The following RXRG variants were observed in gnomAD, a reference collection of about 807,000 sequenced individuals.
The protein encoded by RXRG is retinoic acid receptor RXR-gamma.
A neutral mutation model predicts 49.2 loss-of-function variants in RXRG; 19 were observed. The ratio of observed to expected loss-of-function variants is 0.39; its 90% CI spans 0.27 to 0.57. The LOEUF (loss-of-function observed/expected upper bound fraction) is 0.57, where lower values mean the gene tolerates loss of function less well. Ranked by LOEUF, RXRG falls within the 20% of genes least tolerant of loss-of-function variation. RXRG has a pLI of 0.64. For synonymous variants in RXRG, 224 were observed against 216.6 expected, an observed-to-expected ratio of 1.03 and a Z score of -0.30; for missense variants, 452 against 592.5, an observed-to-expected ratio of 0.76 and a Z score of 2.46.
At chr1:165,419,748 G>T (rs1478720007) in intron 3 of RXRG, 122 bp downstream of exon 3, 1 of 734,568 alleles carries the variant, frequency 1.4e-6, no homozygotes, top group Non-Finnish European at 2.1e-6. Flanking sequence ...CGTATAGGTG[G>T]GTCCCCAGTT....
intron 1 of RXRG, among the ~76,000 whole-genome samples, chr1:165,435,939 C>A (rs1483295655): frequency 6.6e-6 from 1 of 152,170 alleles, no homozygotes; most frequent in Non-Finnish European, 1.5e-5. Context: ...CAGCCACAAT[C>A]AATGGGTAAG....
At chr1:165,434,300 G>A (rs1658766149) in intron 1 of RXRG, among the ~76,000 whole-genome samples, 1 of 151,976 alleles carries the variant, frequency 6.6e-6, no homozygotes, top group African/African-American at 2.4e-5. Flanking sequence ...GTGTGTGTGT[G>A]TGTGTGTGTC....
At chr1:165,418,098 G>A (rs985956234) in intron 3 of RXRG, among the ~76,000 whole-genome samples, 6 of 120,992 alleles carry the variant, frequency 5.0e-5, no homozygotes, top group East Asian at 2.6e-4. Context: ...GTGACAGAGC[G>A]AGATCCCGTC....
At chr1:165,406,663 A>C in intron 9 of RXRG, 149 bp downstream of exon 9, 1 of 639,686 alleles carries the variant, frequency 1.6e-6, no homozygotes, top group Non-Finnish European at 2.8e-6. Flanking sequence ...AGCCCAATGG[A>C]ATTAACATTT....
intron 9 of RXRG, among the ~76,000 whole-genome samples, chr1:165,402,904 C>T (rs969779906): frequency 1.3e-5 from 2 of 152,064 alleles, no homozygotes; most frequent in African/African-American, 4.8e-5. Flanking sequence ...TCACATATCT[C>T]ATGCCTGTGG....
Position 165,408,279 on chromosome 1 carries a change from C to G in RXRG, c.1086G>C (p.Gln362His). Residue 362 changes from glutamine to histidine, a missense_variant, in exon 8 of 10, where the codon CAG becomes CAC. By Grantham distance (24) the Gln-to-His change is conservative. Transcript: ENST00000359842. The stretch of plus-strand genomic sequence containing the variant: ...GGCATCCCAGTTCCGACTTGTCCAT[C>G]TGCATGTCTTTCATTTTGGAAACCA... ...TELVSKMKDM[Q>H]MDKSELGCLR... 6.2e-7 allele frequency: 1 copy of G among 1,614,094 alleles called. No individual in the cohort carries two copies. The highest frequency in any genetic ancestry group is 8.5e-7 in the Non-Finnish European group (1 of 1,179,952).
At chr1:165,403,820 A>C (rs1657660500) in intron 9 of RXRG, among the ~76,000 whole-genome samples, 1 of 152,256 alleles carries the variant, frequency 6.6e-6, no homozygotes, top group Non-Finnish European at 1.5e-5. Context: ...ATGCCATCAT[A>C]CTACCCTCTT....
Position 165,408,278 on chromosome 1 carries a change from T to G in RXRG, c.1087A>C (p.Met363Leu), listed in dbSNP as rs757929505. 2.5e-6 allele frequency: 4 copies of G among 1,614,098 alleles called. No individual in the cohort carries two copies. In the South Asian group the frequency reaches 4.4e-5, roughly 18 times the overall value. ...AGGCATCCCAGTTCCGACTTGTCCA[T>G]CTGCATGTCTTTCATTTTGGAAACC... ...ELVSKMKDMQMDKSELGCLRA... is the reference protein window; with the variant it reads ...ELVSKMKDMQLDKSELGCLRA... The change falls in exon 8 of 10, where the codon ATG becomes CTG. Residue 363 changes from methionine (M) to leucine (L), a missense_variant. By Grantham distance (15) the Met-to-Leu change is conservative. Coordinates refer to ENST00000359842, the MANE Select transcript of RXRG (RefSeq NM_006917.5).
chr1:165,407,187 A>T (rs571975656), intron 8 of RXRG, among the ~76,000 whole-genome samples: 1 of 152,196 alleles, frequency 6.6e-6, no homozygotes, highest in Admixed American at 6.5e-5. Flanking sequence ...TATCCGGACC[A>T]TTCTCGAAAT....
chr1:165,435,563 G>A (rs1166602266), intron 1 of RXRG, among the ~76,000 whole-genome samples: 1 of 152,162 alleles, frequency 6.6e-6, no homozygotes, highest in African/African-American at 2.4e-5. Flanking sequence ...GCCCAGATAA[G>A]CCCCAAATGG....
chr1:165,444,909 C>T lies in RXRG; in HGVS notation c.-16G>A. 6.2e-7 allele frequency: 1 copy of T among 1,613,558 alleles called. No homozygotes were observed. Among genetic ancestry groups the T allele is most frequent in the Non-Finnish European group, 8.5e-7 (1 of 1,179,492 alleles). Reference sequence around the variant, plus strand: ...TTCCATACATGTTTACTCGTCAGTTCATGTTCCTCTCCTGTGCAGCTTCTA... The same window carrying T: ...TTCCATACATGTTTACTCGTCAGTTTATGTTCCTCTCCTGTGCAGCTTCTA... On this transcript the variant is annotated 5_prime_UTR_variant, in exon 1 of 10. An upstream start codon of the reference 5' UTR is lost. Coordinates refer to ENST00000359842, the MANE Select transcript of RXRG (RefSeq NM_006917.5).
At chr1:165,435,681 C>T (rs1658800560) in intron 1 of RXRG, among the ~76,000 whole-genome samples, 1 of 152,228 alleles carries the variant, frequency 6.6e-6, no homozygotes, top group Non-Finnish European at 1.5e-5. Context: ...CACATAATTG[C>T]ACCAAATGAA....
intron 2 of RXRG, chr1:165,424,889 CT>C: frequency 1.0e-6 from 1 of 985,490 alleles, no homozygotes; most frequent in Non-Finnish European, 1.2e-6. Flanking sequence ...ACACCAAGGC[CT>C]TTTTTCCAGT....
intron 1 of RXRG, among the ~76,000 whole-genome samples, chr1:165,439,674 A>G (rs2651861): frequency 0.99 from 150,912 of 152,364 alleles, 74,751 homozygotes; most frequent in East Asian, 1. Flanking sequence ...AAGGGCTTCC[A>G]TAGCAGAGAA....
chr1:165,419,823 C>A (rs766370742), intron 3 of RXRG, 47 bp downstream of exon 3: 3 of 1,503,160 alleles, frequency 2.0e-6, no homozygotes, highest in South Asian at 1.3e-5. Flanking sequence ...CAGTGAGCAG[C>A]CCCTTCTCTG....
intron 1 of RXRG, among the ~76,000 whole-genome samples, chr1:165,430,362 A>G (rs1269296623): frequency 6.6e-6 from 1 of 152,240 alleles, no homozygotes; most frequent in Non-Finnish European, 1.5e-5. Flanking sequence ...TAATGTCAGG[A>G]GTAGGATGCT....
At chr1:165,403,171 A>G (rs569325137) in intron 9 of RXRG, among the ~76,000 whole-genome samples, 1 of 152,346 alleles carries the variant, frequency 6.6e-6, no homozygotes, top group Admixed American at 6.5e-5. Flanking sequence ...CCTTTCGGGT[A>G]CTTCTCTCTG....
Position 165,412,790 on chromosome 1 carries a change from AC to A in RXRG, c.623-1682del, listed in dbSNP as rs1172996330. Among the ~76,000 whole-genome samples, 3 of 151,932 alleles carry A rather than the reference AC, an allele frequency of 2.0e-5. No individual in the cohort carries two copies. The East Asian group carries it at 5.8e-4, about 29-fold the overall frequency. ...TTCTTCCTCCTTCTGTCTCATCCTT[AC>A]TTTCTGCTCACTCTGTCAGACTTCA... On this transcript the variant is annotated intron_variant, in intron 4 of 9. Transcript: ENST00000359842.
rs1349993038 is a variant in RXRG, at chr1:165,430,160, T to C, written c.50-1194A>G. Among the ~76,000 whole-genome samples the C allele has an allele frequency of 2.6e-5, 4 of 152,318 alleles. No individual in the cohort carries two copies. The East Asian group carries it at 7.7e-4, about 29-fold the overall frequency. On this transcript the variant is annotated intron_variant, in intron 1 of 9. Transcript: ENST00000359842. ...TAAGTGCTCAGTAAGCACAGTCTGC[T>C]GGAGAAGCTACCCCATTCTCAGATG... is the stretch of plus-strand genomic sequence containing the variant.
Sources: allele counts gnomAD v4.1 joint callset (sites outside exome capture counted in the v4.1 genomes callset), GRCh38; gene constraint gnomAD v4.1.1; transcripts MANE v1.5; gene names NCBI Gene and HGNC (gene_info 2026-07-23, HGNC 2026-07-21).